The following CADPS2 variants were observed in gnomAD, a reference collection of about 807,000 sequenced individuals.
CADPS2 encodes the protein calcium-dependent secretion activator 2.
A neutral mutation model predicts 172.5 loss-of-function variants in CADPS2; 93 were observed. The ratio of observed to expected loss-of-function variants is 0.54; its 90% CI spans 0.46 to 0.64. The LOEUF is 0.64. Ranked by LOEUF, CADPS2 falls within the 30% of genes least tolerant of loss-of-function variation. The pLI is 0.00. For missense variants in CADPS2, 1,420 were observed against 1,565.9 expected (o/e 0.91, Z 1.57); for synonymous variants, 546 against 555.2 (o/e 0.98, Z 0.23).
chr7:122,713,308 T>C (rs1466808500), intron 2 of CADPS2, among the ~76,000 whole-genome samples: 1 of 1,964 alleles, frequency 5.1e-4, no homozygotes, highest in African/African-American at 5.5e-4. Context: ...GTTTAAATCC[T>C]GTACTTAACA....
At chr7:122,757,617 A>C (rs926857998) in intron 1 of CADPS2, among the ~76,000 whole-genome samples, 3 of 152,040 alleles carry the variant, frequency 2.0e-5, no homozygotes, top group Non-Finnish European at 4.4e-5. Context: ...CCTAAAAAAT[A>C]GGCCCAAATT....
intron 14 of CADPS2, among the ~76,000 whole-genome samples, chr7:122,456,501 T>A (rs28492775): frequency 6.6e-6 from 1 of 152,136 alleles, no homozygotes; most frequent in African/African-American, 2.4e-5. Flanking sequence ...GAAAAAATTA[T>A]AAAACAGATT....
At chr7:122,492,820 T>TCCTGAATAGCTGGA (rs1163553842) in intron 9 of CADPS2, among the ~76,000 whole-genome samples, 1 of 152,068 alleles carries the variant, frequency 6.6e-6, no homozygotes, top group East Asian at 1.9e-4. Context: ...CCACTCAGCC[T>TCCTGAATAGCTGGA]CCTGAATAGC....
chr7:122,734,368 A>G (rs910553967), intron 2 of CADPS2, among the ~76,000 whole-genome samples: 2 of 90,186 alleles, frequency 2.2e-5, no homozygotes, highest in East Asian at 2.2e-4. Context: ...AAAAAAAAAA[A>G]AAAAAAAAAA....
intron 14 of CADPS2, 134 bp downstream of exon 14, chr7:122,471,241 G>GTTTT: frequency 4.1e-6 from 2 of 489,058 alleles, no homozygotes; most frequent in South Asian, 4.4e-5. Flanking sequence ...TTTCTCTGTC[G>GTTTT]TTTTTTTTTT....
At chr7:122,402,355 A>C (rs1291666977) in intron 20 of CADPS2, among the ~76,000 whole-genome samples, 1 of 152,180 alleles carries the variant, frequency 6.6e-6, no homozygotes, top group African/African-American at 2.4e-5. Flanking sequence ...CTGGAGACCC[A>C]GTACTCAGGC....
intron 7 of CADPS2, among the ~76,000 whole-genome samples, chr7:122,570,777 G>T (rs192740583): frequency 2.0e-5 from 3 of 151,846 alleles, no homozygotes; most frequent in Non-Finnish European, 2.9e-5. Context: ...GTAAACTATC[G>T]CAAGGACAAA....
At chr7:122,771,346 T>TTACTATAATGTAAGCTATGGTTAC in intron 1 of CADPS2, among the ~76,000 whole-genome samples, 2 of 152,308 alleles carry the variant, frequency 1.3e-5, no homozygotes, top group East Asian at 3.9e-4. Flanking sequence ...GCTATGGATA[T>TTACTATAATGTAAGCTATGGTTAC]TACTATAATG....
intron 14 of CADPS2, among the ~76,000 whole-genome samples, chr7:122,465,072 T>C (rs1284432875): frequency 6.6e-6 from 1 of 151,992 alleles, no homozygotes; most frequent in Non-Finnish European, 1.5e-5. Flanking sequence ...AAGCCAAAAG[T>C]TGCTCCTTTG....
rs1310548120 is a variant in CADPS2, at chr7:122,770,580, G to C, written c.340-33512C>G. On this transcript the variant is annotated intron_variant, in intron 1 of 29. Coordinates refer to ENST00000449022, the MANE Select transcript of CADPS2 (RefSeq NM_017954.11). ...ATACTTTTGTTTCATCTAATGAACA[G>C]AGTATAACATGGAAGAGACAAAAAA... 3.3e-5 allele frequency among the ~76,000 whole-genome samples: 5 copies of C among 152,174 alleles called. No individual in the cohort carries two copies. The East Asian group carries it at 9.6e-4, about 29-fold the overall frequency.
At chr7:122,699,896 C>G (rs1447754850) in intron 2 of CADPS2, among the ~76,000 whole-genome samples, 1 of 152,136 alleles carries the variant, frequency 6.6e-6, no homozygotes, top group East Asian at 1.9e-4. Flanking sequence ...TTAAGAAAAA[C>G]TTCAAGGTGC....
chr7:122,702,139 G>A (rs1478123452), intron 2 of CADPS2: 3 of 1,613,698 alleles, frequency 1.9e-6, no homozygotes, highest in Non-Finnish European at 2.5e-6. Flanking sequence ...CTAAGTAAAA[G>A]TAGGCAATTG....
chr7:122,722,519 ACCG>A (rs2090555255), intron 2 of CADPS2, among the ~76,000 whole-genome samples: 1 of 151,752 alleles, frequency 6.6e-6, no homozygotes, highest in African/African-American at 2.4e-5. Flanking sequence ...AGAACTACAA[ACCG>A]CTGCTCAACG....
chr7:122,594,846 C>T (rs2060265327), intron 6 of CADPS2, among the ~76,000 whole-genome samples: 1 of 151,656 alleles, frequency 6.6e-6, no homozygotes, highest in African/African-American at 2.4e-5. Context: ...CAAAAAAGCA[C>T]AGTGCTTTAT....
intron 7 of CADPS2, among the ~76,000 whole-genome samples, chr7:122,564,810 CAT>C (rs377085959): frequency 1.2e-3 from 184 of 150,130 alleles, no homozygotes; most frequent in East Asian, 1.8e-3. Context: ...ATTGCATAAA[CAT>C]ATGTGTGTAC....
intron 3 of CADPS2, among the ~76,000 whole-genome samples, chr7:122,645,280 C>A: frequency 7.2e-6 from 1 of 138,528 alleles, no homozygotes; most frequent in African/African-American, 2.6e-5. Flanking sequence ...CATATATACA[C>A]ACATATGTAC....
chr7:122,513,663 A>G (rs2060155342), intron 8 of CADPS2, among the ~76,000 whole-genome samples: 2 of 152,236 alleles, frequency 1.3e-5, no homozygotes. Context: ...ATGGTTATCA[A>G]TGCTTCAGTT....
chr7:122,762,954 A>C (rs769493923), intron 1 of CADPS2, among the ~76,000 whole-genome samples: 2 of 152,162 alleles, frequency 1.3e-5, no homozygotes, highest in Non-Finnish European at 2.9e-5. Flanking sequence ...CTCTGAAAAA[A>C]AGCAAAAGGA....
chr7:122,645,658 G>T (rs1456256755), intron 3 of CADPS2, among the ~76,000 whole-genome samples: 10 of 106,652 alleles, frequency 9.4e-5, no homozygotes, highest in Admixed American at 2.1e-4. Context: ...ATATCTCTAA[G>T]ATATATATAT....
Sources: allele counts gnomAD v4.1 joint callset (sites outside exome capture counted in the v4.1 genomes callset), GRCh38; gene constraint gnomAD v4.1.1; transcripts MANE v1.5; gene names NCBI Gene and HGNC (gene_info 2026-07-23, HGNC 2026-07-21).